SLC25A12: variants seen among roughly 807,000 people sequenced by gnomAD.
SLC25A12 encodes electrogenic aspartate/glutamate antiporter SLC25A12, mitochondrial.
SLC25A12 carries 32 observed loss-of-function variants against 83.3 expected under a neutral mutation model. That is an observed-to-expected ratio of 0.38 (90% CI 0.29 to 0.52). The LOEUF is 0.52. SLC25A12 is among the 20% of genes least tolerant of loss of function. The pLI is 0.84. For synonymous variants in SLC25A12, 267 were observed against 291.1 expected (o/e 0.92, Z 0.84); for missense variants, 611 against 835.6 (o/e 0.73, Z 3.31).
At chr2:171,848,379 C>T (rs1684843841) in intron 4 of SLC25A12, 5 of 439,200 alleles carry the variant, frequency 1.1e-5, no homozygotes, top group African/African-American at 2.0e-5. Context: ...CCACTACAAC[C>T]AACTTATAGG....
intron 13 of SLC25A12, among the ~76,000 whole-genome samples, chr2:171,795,625 A>G (rs1683580744): frequency 6.6e-6 from 1 of 152,198 alleles, no homozygotes; most frequent in South Asian, 2.1e-4. Context: ...TAATTCCCCC[A>G]AATTTGCCAC....
chr2:171,826,756 A>C (rs1558921378), intron 9 of SLC25A12, 42 bp downstream of exon 9: 1 of 1,104,424 alleles, frequency 9.1e-7, no homozygotes, highest in East Asian at 2.3e-5. Flanking sequence ...CTACTAGTTC[A>C]GCATTTTTTT....
At chr2:171,788,200 CTG>C in intron 15 of SLC25A12, 1 of 405,312 alleles carries the variant, frequency 2.5e-6, no homozygotes. Flanking sequence ...TCCCAAATAA[CTG>C]TGAGAGAGAA....
intron 1 of SLC25A12, 123 bp from the exon 2 acceptor site, chr2:171,893,381 A>G: frequency 1.1e-6 from 1 of 882,484 alleles, no homozygotes; most frequent in South Asian, 1.4e-5. Flanking sequence ...GTTTAAAACA[A>G]ACTAAAAGCC....
chr2:171,848,455 G>C (rs1573979884), intron 4 of SLC25A12, among the ~76,000 whole-genome samples: 1 of 152,200 alleles, frequency 6.6e-6, no homozygotes, highest in East Asian at 1.9e-4. Flanking sequence ...CACCTGCACA[G>C]TTCTTAAAGT....
At chr2:171,854,094 A>G (rs2357206) in intron 4 of SLC25A12, among the ~76,000 whole-genome samples, 117,198 of 152,150 alleles carry the variant, frequency 0.77, 46,206 homozygotes, top group East Asian at 0.89. Flanking sequence ...TACTGAAAAT[A>G]GAAAATGCAG....
chr2:171,817,244 T>C (rs1375385443), intron 9 of SLC25A12, among the ~76,000 whole-genome samples: 3 of 152,162 alleles, frequency 2.0e-5, no homozygotes, highest in Non-Finnish European at 2.9e-5. Flanking sequence ...TTAGCTCACA[T>C]TTTAAAATCA....
chr2:171,890,075 T>A lies in SLC25A12; in HGVS notation c.66+3130A>T, dbSNP rs188555289. On this transcript the variant is annotated intron_variant, in intron 2 of 17. Transcript: ENST00000422440. ...TCCCTCAACCACAAACCATGAGAGA[T>A]GGCATGGGCCTGAGAGAGCAGCTAG... 1.5e-3 allele frequency among the ~76,000 whole-genome samples: 222 copies of A among 152,332 alleles called. 1 individual carries two copies. Among genetic ancestry groups the A allele is most frequent in the African/African-American group, 5.1e-3 (213 of 41,568 alleles).
chr2:171,810,326 T>A, intron 11 of SLC25A12, 50 bp from the exon 12 acceptor site: 1 of 1,411,586 alleles, frequency 7.1e-7, no homozygotes, highest in Non-Finnish European at 1.0e-6. Flanking sequence ...CAGACATGAA[T>A]ACACAAGCCC....
chr2:171,878,553 G>A (rs1354919637), intron 2 of SLC25A12, among the ~76,000 whole-genome samples: 1 of 152,002 alleles, frequency 6.6e-6, no homozygotes, highest in African/African-American at 2.4e-5. Context: ...CAGTATTCCT[G>A]GGCTTACCAC....
intron 9 of SLC25A12, among the ~76,000 whole-genome samples, chr2:171,822,216 C>T (rs920272049): frequency 6.6e-6 from 1 of 152,164 alleles, no homozygotes; most frequent in South Asian, 2.1e-4. Flanking sequence ...TATGTTTCAG[C>T]CCATCTTGGA....
intron 9 of SLC25A12, among the ~76,000 whole-genome samples, chr2:171,825,318 T>C (rs1401099072): frequency 1.3e-5 from 2 of 152,338 alleles, no homozygotes; most frequent in Admixed American, 6.5e-5. Flanking sequence ...TTGTTCCTTA[T>C]GTAAAGTAGA....
At chr2:171,875,920 A>AAG (rs1231793508) in intron 2 of SLC25A12, among the ~76,000 whole-genome samples, 1 of 150,084 alleles carries the variant, frequency 6.7e-6, no homozygotes, top group Non-Finnish European at 1.5e-5. Flanking sequence ...CAAAAAAAAA[A>AAG]AAAAAAAAAA....
intron 8 of SLC25A12, among the ~76,000 whole-genome samples, chr2:171,828,447 C>T (rs1037947184): frequency 3.3e-5 from 5 of 152,206 alleles, no homozygotes; most frequent in African/African-American, 1.2e-4. Context: ...CTTCCCTTAT[C>T]CTACTCAATC....
chr2:171,868,230 T>C (rs1442711415), intron 3 of SLC25A12, among the ~76,000 whole-genome samples: 6 of 151,678 alleles, frequency 4.0e-5, no homozygotes, highest in Non-Finnish European at 8.8e-5. Context: ...TAATTACTAA[T>C]GAGCAACTTG....
intron 3 of SLC25A12, among the ~76,000 whole-genome samples, chr2:171,858,731 G>A (rs367953572): frequency 2.0e-5 from 3 of 152,048 alleles, no homozygotes; most frequent in Admixed American, 1.3e-4. Flanking sequence ...CTAGGTTTCC[G>A]GTCCCAAGTA....
chr2:171,819,445 TATA>T (rs1416184963), intron 9 of SLC25A12, among the ~76,000 whole-genome samples: 4 of 67,978 alleles, frequency 5.9e-5, no homozygotes, highest in Non-Finnish European at 1.3e-4. Flanking sequence ...ATATATAATA[TATA>T]ATACTTATTA....
chr2:171,838,578 T>C (rs951380307), intron 5 of SLC25A12, among the ~76,000 whole-genome samples: 1 of 152,210 alleles, frequency 6.6e-6, no homozygotes, highest in African/African-American at 2.4e-5. Context: ...ATGGTAGCCA[T>C]GGGTACAATT....
intron 2 of SLC25A12, among the ~76,000 whole-genome samples, chr2:171,892,839 T>G (rs930318455): frequency 3.3e-5 from 5 of 152,210 alleles, no homozygotes; most frequent in Admixed American, 6.5e-5. Flanking sequence ...AGGAAAACTT[T>G]GTAAACATGC....
Sources: allele counts gnomAD v4.1 joint callset (sites outside exome capture counted in the v4.1 genomes callset), GRCh38; gene constraint gnomAD v4.1.1; transcripts MANE v1.5; gene names NCBI Gene and HGNC (gene_info 2026-07-23, HGNC 2026-07-21).